MAF1: variants seen among roughly 807,000 people sequenced by gnomAD.
The protein encoded by MAF1 is MAF1 negative regulator of RNA polymerase III.
A neutral mutation model predicts 31.9 loss-of-function variants in MAF1; 7 were observed. The observed-to-expected ratio is 0.22, with a 90% confidence interval of 0.12 to 0.41. MAF1 has a LOEUF of 0.41. Among genes scored for constraint, MAF1 ranks in the 10% least tolerant of loss-of-function variants. The probability of loss-of-function intolerance (pLI) is 1.00; values close to 1 mark genes in which losing one functional copy is unlikely to be tolerated. For synonymous variants in MAF1, 157 were observed against 120.0 expected (o/e 1.31, Z -2.02); for missense variants, 221 against 323.1 (o/e 0.68, Z 2.42).
At chr8:144,105,505 G>T (rs1007192172) in intron 1 of MAF1, 135 bp from the exon 2 acceptor site, 13 of 608,976 alleles carry the variant, frequency 2.1e-5, no homozygotes, top group Non-Finnish European at 3.5e-5. Context: ...GCAGAGAGGG[G>T]AGCTCCTGAT....
At position 144,105,619 on chromosome 8, in the gene MAF1, G is replaced by A. The variant is rs1836395915; in HGVS notation, c.-44-21G>A. ...CCAAGGGGCCAGATAGATACCCATG[G>A]TCTGGTCTCTCACTCCCCAGGCAAT... On this transcript the variant is annotated intron_variant, in intron 1 of 7. Coordinates refer to ENST00000322428, the MANE Select transcript of MAF1 (RefSeq NM_032272.5). The A allele has an allele frequency of 2.1e-6, 3 of 1,447,580 alleles. No homozygotes were observed. The South Asian group carries it at 3.4e-5, about 17-fold the overall frequency. The allele number at this position is 1,447,580 out of a possible 1,614,324, so 89.7% of individuals were successfully genotyped here. A position where few individuals can be genotyped will look rare whatever the true frequency, so the allele number is the denominator to read the frequency against.
chr8:144,106,046 T>C (rs1291126208), intron 3 of MAF1, 30 bp from the exon 4 acceptor site: 1 of 1,613,442 alleles, frequency 6.2e-7, no homozygotes, highest in African/African-American at 1.3e-5. Flanking sequence ...GGGGAGGTGA[T>C]GGGCCCAGCT....
intron 2 of MAF1, 47 bp from the exon 3 acceptor site, chr8:144,105,822 T>C: frequency 1.2e-6 from 2 of 1,612,862 alleles, no homozygotes; most frequent in African/African-American, 1.3e-5. Flanking sequence ...CGCCCTTCAG[T>C]GGAACCTGGG....
rs1300186782 is a variant in MAF1, at chr8:144,106,282, C to T, written c.378+41C>T. On this transcript the variant is annotated intron_variant, in intron 4 of 7. Transcript: ENST00000322428. The stretch of plus-strand genomic sequence containing the variant: ...AGGGAAGGGACCCACAGCCACCCCA[C>T]TGTCCTTCCCCACTTTGGGTAGCCC... 3 of 1,612,910 alleles carry T rather than the reference C, an allele frequency of 1.9e-6. No homozygotes were observed. In the African/African-American group the frequency reaches 4.0e-5, roughly 22 times the overall value.
rs1055442678 is a variant in MAF1, at chr8:144,107,353, G to A, written c.*244G>A. 20 of 606,864 alleles carry A rather than the reference G, an allele frequency of 3.3e-5. No homozygotes were observed. Among genetic ancestry groups the A allele is most frequent in the Middle Eastern group, 2.7e-4 (1 of 3,640 alleles). The allele number at this position is 606,864 out of a possible 1,614,324, so 37.6% of individuals were successfully genotyped here. On this transcript the variant is annotated 3_prime_UTR_variant, in exon 8 of 8. Coordinates refer to ENST00000322428, the MANE Select transcript of MAF1 (RefSeq NM_032272.5). Reference sequence around the variant, plus strand: ...CAGCAGGGGGCCTGGTGGGAGGAGCGACTGCCCTGCCCAAATGAACTGCCA... The same window carrying A: ...CAGCAGGGGGCCTGGTGGGAGGAGCAACTGCCCTGCCCAAATGAACTGCCA...
chr8:144,105,527 A>AC, intron 1 of MAF1, 113 bp from the exon 2 acceptor site: 1 of 641,886 alleles, frequency 1.6e-6, no homozygotes, highest in Non-Finnish European at 2.7e-6. Flanking sequence ...TGCAGCCTGG[A>AC]CAGAGGCCAG....
rs778820985 is a variant in MAF1 at position 144,107,271 on chromosome 8, C to T, written c.*162C>T. On this transcript the variant is annotated 3_prime_UTR_variant, in exon 8 of 8. Transcript: ENST00000322428. ...ACCTGCCTAGCCCTTTGGCTCCATC[C>T]TGTGGATGCCCACTCACCCCTCAGA... The T allele has an allele frequency of 3.4e-6, 3 of 877,040 alleles. No individual in the cohort carries two copies. The highest frequency in any genetic ancestry group is 5.3e-5 in the East Asian group (2 of 37,696). 54.3% of individuals were successfully genotyped at this position (877,040 alleles called of 1,614,324 possible).
In MAF1 at chr8:144,107,089, G is replaced by A; in HGVS notation, c.751G>A (p.Val251Ile). 2 of 1,573,830 alleles carry A rather than the reference G, an allele frequency of 1.3e-6. No homozygotes were observed. Among genetic ancestry groups the A allele is most frequent in the Non-Finnish European group, 1.7e-6 (2 of 1,159,718 alleles). Residue 251 changes from valine (V) to isoleucine (I), a missense_variant and splice_region_variant, in exon 8 of 8, where the codon GTC (valine) becomes ATC (isoleucine). By Grantham distance (29) the Val-to-Ile change is conservative. This residue lies in a region of MAF1 where 75 missense variants were observed against 60.1 expected (regional missense o/e 1.25). Transcript: ENST00000322428. ...CACTGTGTGCCAACCTCCGCCCAGG[G>A]TCCCAGTGATCTGTATTTGATGAGG... ...EETSTMEEDRVPVICI is the reference protein window; with the variant it reads ...EETSTMEEDRIPVICI
Position 144,106,253 on chromosome 8 carries a change from G to T in MAF1, c.378+12G>T. 1 of 1,613,628 alleles carries T rather than the reference G, an allele frequency of 6.2e-7. No individual in the cohort carries two copies. Among genetic ancestry groups the T allele is most frequent in the Non-Finnish European group, 8.5e-7 (1 of 1,179,952 alleles). ...CCAGCCTTAGCTGGGTGAGGGTCAG[G>T]TGGAGGGAAGGGACCCACAGCCACC... On this transcript the variant is annotated intron_variant, in intron 4 of 7. Coordinates refer to ENST00000322428, the MANE Select transcript of MAF1 (RefSeq NM_032272.5).
At chr8:144,106,737 C>T in intron 6 of MAF1, 63 bp downstream of exon 6, 2 of 1,583,126 alleles carry the variant, frequency 1.3e-6, no homozygotes, top group Non-Finnish European at 1.7e-6. Flanking sequence ...CCCAGCTGTG[C>T]CATCTCCACC....
chr8:144,105,907 AAC>A lies in MAF1; in HGVS notation c.126_127del (p.Met43ValfsTer36). The stretch of plus-strand genomic sequence containing the variant: ...TCATGTAAGATGGCAGGAGACGACA[AAC>A]ACATGTTCAAGCAGTTCTGCCAGGA... On this transcript the variant is annotated frameshift_variant, in exon 3 of 8. Transcript: ENST00000322428. LOFTEE classifies it high-confidence loss of function. The A allele has an allele frequency of 6.2e-7, 1 of 1,613,032 alleles. No individual in the cohort carries two copies. The highest frequency in any genetic ancestry group is 8.5e-7 in the Non-Finnish European group (1 of 1,180,014).
At chr8:144,106,700 A>G in intron 6 of MAF1, 26 bp downstream of exon 6, 1 of 1,599,906 alleles carries the variant, frequency 6.3e-7, no homozygotes, top group Non-Finnish European at 8.5e-7. Flanking sequence ...CTCCTCCCCC[A>G]CCTCCCTGTT....
chr8:144,106,318 T>C (rs755248558), intron 4 of MAF1, 25 bp from the exon 5 acceptor site: 1 of 1,612,902 alleles, frequency 6.2e-7, no homozygotes, highest in Admixed American at 1.7e-5. Flanking sequence ...TGGGCTCCTG[T>C]CACCCTGACT....
Position 144,105,756 on chromosome 8 carries a change from A to C in MAF1, c.73A>C (p.Ile25Leu). 2.5e-6 allele frequency: 4 copies of C among 1,612,864 alleles called. No homozygotes were observed. The highest frequency in any genetic ancestry group is 3.4e-6 in the Non-Finnish European group (4 of 1,179,928). The change falls in exon 2 of 8, where the codon ATC becomes CTC. Residue 25 changes from isoleucine to leucine, a missense_variant. Physicochemically the swap from Ile to Leu is conservative, Grantham distance 5. Coordinates refer to ENST00000322428, the MANE Select transcript of MAF1 (RefSeq NM_032272.5). ...QLTVETGDAH[I>L]IGRIESYSCK... is the part of the protein sequence containing the mutation. ...GACTGTGGAGACTGGAGATGCCCAC[A>C]TCATTGGCAGGTGAGGCAGGCTGGG... is the stretch of plus-strand genomic sequence containing the variant.
intron 4 of MAF1, 31 bp from the exon 5 acceptor site, chr8:144,106,312 C>T (rs1197993601): frequency 1.2e-6 from 2 of 1,612,570 alleles, no homozygotes; most frequent in Non-Finnish European, 1.7e-6. Context: ...TAGCCCTGGG[C>T]TCCTGTCACC....
chr8:144,106,295 C>T (rs1564317962), intron 4 of MAF1, 48 bp from the exon 5 acceptor site: 1 of 1,612,760 alleles, frequency 6.2e-7, no homozygotes, highest in Non-Finnish European at 8.5e-7. Context: ...TCCTTCCCCA[C>T]TTTGGGTAGC....
intron 1 of MAF1, 98 bp downstream of exon 1, chr8:144,104,956 C>T (rs1178498656): frequency 3.9e-5 from 6 of 152,268 alleles, no homozygotes; most frequent in African/African-American, 9.6e-5. Context: ...TTTGTAGTTC[C>T]ACCGCGGCTT....
At chr8:144,106,031 G>A (rs2130016213) in intron 3 of MAF1, 34 bp downstream of exon 3, 2 of 1,613,560 alleles carry the variant, frequency 1.2e-6, no homozygotes, top group South Asian at 1.1e-5. Context: ...GGGGCTGGGG[G>A]TTGAGGGGAG....
chr8:144,107,484 A>C lies in MAF1; in HGVS notation c.*375A>C, dbSNP rs372815387. 13 of 588,268 alleles carry C rather than the reference A, an allele frequency of 2.2e-5. No homozygotes were observed. The Admixed American group carries it at 3.9e-4, about 17-fold the overall frequency. 36.4% of individuals were successfully genotyped at this position (588,268 alleles called of 1,614,324 possible). ...GGAGGCCCCACGAGCAGGCCCCAGC[A>C]GTCACCGGCTCTGGTCTTGGGCCGG... On this transcript the variant is annotated 3_prime_UTR_variant, in exon 8 of 8. Transcript: ENST00000322428.
Sources: allele counts gnomAD v4.1 joint callset, GRCh38; gene constraint gnomAD v4.1.1; regional missense constraint gnomAD v4.1.1; transcripts MANE v1.5; gene names NCBI Gene and HGNC (gene_info 2026-07-23, HGNC 2026-07-21).